The following MB21D2 variants were observed in gnomAD, a reference collection of about 807,000 sequenced individuals.
MB21D2 encodes the protein Mab-21 domain containing 2, also known as nucleotidyltransferase MB21D2.
MB21D2 carries 9 observed loss-of-function variants against 33.3 expected under a neutral mutation model. The observed-to-expected ratio is 0.27, with a 90% confidence interval of 0.16 to 0.47. MB21D2 has a LOEUF of 0.47. Ranked by LOEUF, MB21D2 falls within the 20% of genes least tolerant of loss-of-function variation. The pLI, the probability that MB21D2 is intolerant of heterozygous loss-of-function variation, is 0.99. For synonymous variants in MB21D2, 241 were observed against 236.3 expected (o/e 1.02, Z -0.18); for missense variants, 540 against 624.6 (o/e 0.86, Z 1.44).
At chr3:192,855,504 A>C (rs1276394427) in intron 1 of MB21D2, among the ~76,000 whole-genome samples, 1 of 152,230 alleles carries the variant, frequency 6.6e-6, no homozygotes, top group Non-Finnish European at 1.5e-5. Context: ...GATTCACTTT[A>C]TTGCAATATT....
intron 1 of MB21D2, among the ~76,000 whole-genome samples, chr3:192,830,751 C>T (rs1054550457): frequency 3.9e-5 from 6 of 152,198 alleles, no homozygotes; most frequent in Non-Finnish European, 7.3e-5. Flanking sequence ...GCAAAGGCAT[C>T]ATCTGCTCGC....
At chr3:192,908,662 C>G (rs529435593) in intron 1 of MB21D2, among the ~76,000 whole-genome samples, 1 of 151,914 alleles carries the variant, frequency 6.6e-6, no homozygotes, top group African/African-American at 2.4e-5. Flanking sequence ...TCGTGATCCG[C>G]CCTCCTCGGC....
intron 1 of MB21D2, among the ~76,000 whole-genome samples, chr3:192,850,787 G>A (rs1018524255): frequency 5.3e-5 from 8 of 152,196 alleles, no homozygotes; most frequent in Admixed American, 1.3e-4. Flanking sequence ...ACAGCACACT[G>A]TAACAGACAC....
At chr3:192,883,608 T>C (rs2108643761) in intron 1 of MB21D2, among the ~76,000 whole-genome samples, 1 of 152,186 alleles carries the variant, frequency 6.6e-6, no homozygotes, top group African/African-American at 2.4e-5. Context: ...AAACGATCCA[T>C]TAGAAGGTAT....
At chr3:192,804,819 T>G (rs1327078682) in intron 1 of MB21D2, among the ~76,000 whole-genome samples, 1 of 152,226 alleles carries the variant, frequency 6.6e-6, no homozygotes, top group Non-Finnish European at 1.5e-5. Flanking sequence ...TTATGGTTTA[T>G]GTTTCCAGGG....
intron 1 of MB21D2, among the ~76,000 whole-genome samples, chr3:192,845,565 C>T (rs756823737): frequency 1.3e-5 from 2 of 152,202 alleles, no homozygotes; most frequent in Non-Finnish European, 2.9e-5. Context: ...CTCCTTAGCC[C>T]ATAATTCTCG....
chr3:192,905,717 C>T (rs1714202855), intron 1 of MB21D2, among the ~76,000 whole-genome samples: 1 of 150,152 alleles, frequency 6.7e-6, no homozygotes, highest in Non-Finnish European at 1.5e-5. Flanking sequence ...CCTGTAGTGC[C>T]CACTACTCAG....
chr3:192,875,519 T>C (rs947128364), intron 1 of MB21D2, among the ~76,000 whole-genome samples: 1 of 152,228 alleles, frequency 6.6e-6, no homozygotes, highest in African/African-American at 2.4e-5. Context: ...TTAATTTTAA[T>C]TTTTCATTAA....
rs540126779 is a variant in MB21D2 at position 192,819,205 on chromosome 3, A to T, written c.212-19555T>A. Reference sequence around the variant, plus strand: ...AGATAGGAATCAATGTTTACAGAGTATCTGCTAAGGCCCAGTTATATATTA... The same window carrying T: ...AGATAGGAATCAATGTTTACAGAGTTTCTGCTAAGGCCCAGTTATATATTA... On this transcript the variant is annotated intron_variant, in intron 1 of 1. Coordinates refer to ENST00000392452, the MANE Select transcript of MB21D2 (RefSeq NM_178496.4). Among the ~76,000 whole-genome samples the T allele has an allele frequency of 2.0e-5, 3 of 149,254 alleles. No individual in the cohort carries two copies. In the South Asian group the frequency reaches 6.2e-4, roughly 31 times the overall value.
At chr3:192,852,037 C>T (rs1712817650) in intron 1 of MB21D2, among the ~76,000 whole-genome samples, 1 of 152,214 alleles carries the variant, frequency 6.6e-6, no homozygotes, top group South Asian at 2.1e-4. Context: ...TTTTATCCCC[C>T]AGGCATCTGG....
At chr3:192,908,399 CTTTTTTTTT>C (rs201114331) in intron 1 of MB21D2, among the ~76,000 whole-genome samples, 6,699 of 137,904 alleles carry the variant, frequency 0.049, 374 homozygotes, top group African/African-American at 0.14. Context: ...AAATTTTCTT[CTTTTTTTTT>C]TTTTTTTTGA....
chr3:192,901,632 G>A (rs1318695061), intron 1 of MB21D2, among the ~76,000 whole-genome samples: 4 of 152,100 alleles, frequency 2.6e-5, no homozygotes, highest in Non-Finnish European at 5.9e-5. Flanking sequence ...TCGGAAAGCA[G>A]GAAAGCTGGA....
Position 192,797,814 on chromosome 3 carries a change from TGTA to T in MB21D2, c.*569_*571del, listed in dbSNP as rs1237267203. 1.3e-5 allele frequency: 2 copies of T among 152,706 alleles called. No homozygotes were observed. Among genetic ancestry groups the T allele is most frequent in the Non-Finnish European group, 2.9e-5 (2 of 68,108 alleles). The allele number at this position is 152,706 out of a possible 1,614,324, so 9.5% of individuals were successfully genotyped here. A position where few individuals can be genotyped will look rare whatever the true frequency, so the allele number is the denominator to read the frequency against. ...AATGAAGTTGCTCCAAAACACAATT[TGTA>T]GTATTATCACTTTCAAAGTTTACAT... On this transcript the variant is annotated 3_prime_UTR_variant, in exon 2 of 2. Coordinates refer to ENST00000392452, the MANE Select transcript of MB21D2 (RefSeq NM_178496.4).
At chr3:192,856,335 GA>G (rs1467559074) in intron 1 of MB21D2, among the ~76,000 whole-genome samples, 1 of 152,142 alleles carries the variant, frequency 6.6e-6, no homozygotes. Context: ...ACCTTGAGCA[GA>G]TCACTTCACT....
intron 1 of MB21D2, among the ~76,000 whole-genome samples, chr3:192,902,306 C>T (rs1243067059): frequency 2.0e-5 from 3 of 152,192 alleles, no homozygotes; most frequent in African/African-American, 4.8e-5. Flanking sequence ...ACATAGAGCC[C>T]GGCGTAGTCA....
At chr3:192,831,612 CTT>C (rs977964613) in intron 1 of MB21D2, among the ~76,000 whole-genome samples, 5 of 152,148 alleles carry the variant, frequency 3.3e-5, no homozygotes, top group Non-Finnish European at 7.4e-5. Context: ...ATCTTCAACA[CTT>C]TTGGATATAA....
At chr3:192,866,373 A>T (rs1432258065) in intron 1 of MB21D2, among the ~76,000 whole-genome samples, 1 of 152,216 alleles carries the variant, frequency 6.6e-6, no homozygotes, top group Non-Finnish European at 1.5e-5. Flanking sequence ...ACAAAAGAAC[A>T]TCAATTAGAT....
intron 1 of MB21D2, among the ~76,000 whole-genome samples, chr3:192,895,070 G>A (rs1014425136): frequency 3.3e-5 from 5 of 151,782 alleles, no homozygotes; most frequent in African/African-American, 4.8e-5. Context: ...GAATCCGGTG[G>A]CCTGGGTTGG....
chr3:192,829,710 T>A (rs1026410744), intron 1 of MB21D2, among the ~76,000 whole-genome samples: 8 of 152,162 alleles, frequency 5.3e-5, no homozygotes, highest in African/African-American at 1.9e-4. Context: ...TTTATGTTTA[T>A]GTTTGTATGT....
Sources: gnomAD v4.1 joint callset for allele counts (sites outside exome capture counted in the v4.1 genomes callset) on GRCh38, gnomAD v4.1.1 for gene constraint, MANE v1.5 for transcripts, NCBI Gene and HGNC (gene_info 2026-07-23, HGNC 2026-07-21) for gene names.